The following CPZ variants were observed in gnomAD, a reference collection of about 807,000 sequenced individuals.
The protein encoded by CPZ is VEZT/CPZ fusion.
CPZ carries 103 observed loss-of-function variants against 61.8 expected under a neutral mutation model. That is an observed-to-expected ratio of 1.67 (90% confidence interval 1.42 to 1.96). The LOEUF (loss-of-function observed/expected upper bound fraction) is 1.96, where lower values mean the gene tolerates loss of function less well. Among genes scored for constraint, CPZ ranks in the 30% most tolerant of loss-of-function variants. The pLI, the probability that CPZ is intolerant of heterozygous loss-of-function variation, is 0.00. For missense variants in CPZ, 1,461 were observed against 914.9 expected (o/e 1.60, Z -7.70); for synonymous variants, 551 against 373.7 (o/e 1.47, Z -5.47).
At chr4:8,615,499 T>A (rs1215291616) in intron 9 of CPZ, among the ~76,000 whole-genome samples, 1 of 152,208 alleles carries the variant, frequency 6.6e-6, no homozygotes, top group South Asian at 2.1e-4. Flanking sequence ...GAAAGAGGGT[T>A]GAGCTGCAGC....
intron 4 of CPZ, among the ~76,000 whole-genome samples, chr4:8,605,364 A>G (rs1714874731): frequency 8.7e-6 from 1 of 115,110 alleles, no homozygotes; most frequent in African/African-American, 4.3e-5. Flanking sequence ...TCATTCAGCC[A>G]TTACACATCC....
rs756402952 is a variant in CPZ, at chr4:8,606,038, G to A, written c.759G>A (p.Ala253=). 27 of 1,613,968 alleles carry A rather than the reference G, an allele frequency of 1.7e-5. 1 individual carries two copies. Among genetic ancestry groups the A allele is most frequent in the Middle Eastern group, 1.6e-4 (1 of 6,084 alleles). The change falls in exon 5 of 11, where the codon GCG becomes GCA. Residue 253 remains alanine, a synonymous_variant. Transcript: ENST00000360986. The part of the protein sequence containing the change: ...LIGNIHGNEV[A]GREMLIYLAQ... ...GCAACATTCATGGCAACGAGGTGGC[G>A]GGCCGGGAGATGCTCATCTACCTAG...
intron 7 of CPZ, among the ~76,000 whole-genome samples, chr4:8,609,986 C>G (rs1467950501): frequency 6.6e-6 from 1 of 152,216 alleles, no homozygotes; most frequent in African/African-American, 2.4e-5. Flanking sequence ...GCAGGCTGGC[C>G]ATGGCTGCCT....
rs1169233009 is a variant in CPZ, at chr4:8,592,822, C to T, written c.-12C>T. On this transcript the variant is annotated 5_prime_UTR_variant, in exon 1 of 11. Coordinates refer to ENST00000360986, the MANE Select transcript of CPZ (RefSeq NM_001014447.3). ...ATCACTGCGCTGGCCGTCCAAGGTC[C>T]GCCGCCCCACCATGCCGCCCCCGCT... 13 of 1,452,110 alleles carry T rather than the reference C, an allele frequency of 9.0e-6. No individual in the cohort carries two copies. The Admixed American group carries it at 1.5e-4, about 17-fold the overall frequency. The allele number at this position is 1,452,110 out of a possible 1,614,324, so 90.0% of individuals were successfully genotyped here. A position where few individuals can be genotyped will look rare whatever the true frequency, so the allele number is the denominator to read the frequency against.
chr4:8,607,654 C>A (rs1715152473), intron 7 of CPZ, among the ~76,000 whole-genome samples: 1 of 152,222 alleles, frequency 6.6e-6, no homozygotes, highest in Non-Finnish European at 1.5e-5. Flanking sequence ...AGGCTGGCTG[C>A]ACTGTCTTTC....
rs148286815 is a variant in CPZ at position 8,619,328 on chromosome 4, G to C, written c.1670G>C (p.Gly557Ala). 7.4e-6 allele frequency: 12 copies of C among 1,613,990 alleles called. No homozygotes were observed. In the East Asian group the frequency reaches 2.7e-4, roughly 36 times the overall value. The change falls in exon 11 of 11, where the codon GGC (glycine) becomes GCC (alanine). Residue 557 changes from glycine (G) to alanine (A), a missense_variant. Physicochemically the swap from Gly to Ala is moderately conservative, Grantham distance 60. Coordinates refer to ENST00000360986, the MANE Select transcript of CPZ (RefSeq NM_001014447.3). ...CACATTGTCATTGCCCAAGCCCCTG[G>C]CTACGCCAAAGTCATCAAGAAAGTC... ...GIHIVIAQAPGYAKVIKKVII... is the reference protein window; with the variant it reads ...GIHIVIAQAPAYAKVIKKVII...
At chr4:8,618,382 G>T (rs79710873) in intron 9 of CPZ, 47 bp from the exon 10 acceptor site, 3 of 1,579,938 alleles carry the variant, frequency 1.9e-6, no homozygotes, top group Non-Finnish European at 1.7e-6. Flanking sequence ...TCCACGCTCA[G>T]CAGGAGAGCT....
intron 9 of CPZ, among the ~76,000 whole-genome samples, chr4:8,615,782 C>T (rs1357851204): frequency 4.6e-5 from 7 of 152,212 alleles, no homozygotes; most frequent in African/African-American, 1.7e-4. Context: ...TGTCCATGAG[C>T]CCCCTCCTTT....
intron 1 of CPZ, among the ~76,000 whole-genome samples, chr4:8,593,448 G>GA (rs1334072400): frequency 5.9e-5 from 9 of 152,324 alleles, no homozygotes; most frequent in South Asian, 2.1e-4. Flanking sequence ...CCCGGAGAGG[G>GA]AATGGACGCA....
In CPZ at chr4:8,606,870, C is replaced by T. The variant is rs748106609; in HGVS notation, c.1040C>T (p.Pro347Leu). 72 of 1,612,748 alleles carry T rather than the reference C, an allele frequency of 4.5e-5. 1 individual carries two copies. Among genetic ancestry groups the T allele is most frequent in the Non-Finnish European group, 6.1e-5 (72 of 1,179,688 alleles). Residue 347 changes from proline to leucine, a missense_variant, in exon 6 of 11, where the codon CCC (proline) becomes CTC (leucine). Coordinates refer to ENST00000360986, the MANE Select transcript of CPZ (RefSeq NM_001014447.3). ...ETRGARSDHI[P>L]IPQHYWWGKV... is the part of the protein sequence containing the mutation. Reference sequence around the variant, plus strand: ...CGCGGCGCACGCAGCGACCACATCCCCATCCCCCAGCACTACTGGTGGGGT... The same window carrying T: ...CGCGGCGCACGCAGCGACCACATCCTCATCCCCCAGCACTACTGGTGGGGT...
intron 9 of CPZ, among the ~76,000 whole-genome samples, chr4:8,617,511 G>A (rs1302988126): frequency 6.6e-6 from 1 of 152,206 alleles, no homozygotes; most frequent in Non-Finnish European, 1.5e-5. Context: ...ACATAAAGAT[G>A]AATATATAGG....
chr4:8,616,681 A>C (rs574810313), intron 9 of CPZ, among the ~76,000 whole-genome samples: 66 of 152,132 alleles, frequency 4.3e-4, no homozygotes, highest in African/African-American at 1.5e-3. Context: ...GGTGAGGAGG[A>C]GCCACAGGGT....
chr4:8,616,046 G>A (rs971247687), intron 9 of CPZ, among the ~76,000 whole-genome samples: 11 of 152,140 alleles, frequency 7.2e-5, no homozygotes, highest in Non-Finnish European at 2.9e-5. Context: ...AAGGAGCCTC[G>A]GATGTGGCTG....
intron 7 of CPZ, among the ~76,000 whole-genome samples, chr4:8,609,035 ACCCATTCACTCCCTCCCTCCCTCACTCC>A (rs1715299422): frequency 6.7e-6 from 1 of 149,040 alleles, no homozygotes; most frequent in Non-Finnish European, 1.5e-5. Flanking sequence ...TCCTTCACTC[ACCCATTCACTCCCTCCCTCCCTCACTCC>A]CTCACTCACC....
Position 8,619,646 on chromosome 4 carries a change from G to C in CPZ, c.*29G>C. 1.4e-6 allele frequency: 2 copies of C among 1,463,942 alleles called. No individual in the cohort carries two copies. Among genetic ancestry groups the C allele is most frequent in the Non-Finnish European group, 1.8e-6 (2 of 1,107,224 alleles). 90.7% of individuals were successfully genotyped at this position (1,463,942 alleles called of 1,614,324 possible). On this transcript the variant is annotated 3_prime_UTR_variant, in exon 11 of 11. Coordinates refer to ENST00000360986, the MANE Select transcript of CPZ (RefSeq NM_001014447.3). ...CGGCCCCAGCACCCGCCAGGATGTG[G>C]AGACCGAGGCCCATCTCCGCATCCC...
Position 8,612,067 on chromosome 4 carries a change from C to T in CPZ, c.1268C>T (p.Pro423Leu), listed in dbSNP as rs747914067. The change falls in exon 8 of 11, where the codon CCC becomes CTC. Residue 423 changes from proline (P) to leucine (L), a missense_variant. Pro to Leu is a moderately conservative substitution (Grantham distance 98, BLOSUM62 -3). Coordinates refer to ENST00000360986, the MANE Select transcript of CPZ (RefSeq NM_001014447.3). ...TCCAGAGCCTACGCTGACGTCCACC[C>T]CATGATGATGGACAGGTCGGAGAAT... ...LLSRAYADVH[P>L]MMMDRSENRC... The T allele has an allele frequency of 6.2e-7, 1 of 1,613,898 alleles. No individual in the cohort carries two copies.
In CPZ at chr4:8,601,236, T is replaced by C. The variant is rs1454081622; in HGVS notation, c.235T>C (p.Tyr79His). Residue 79 changes from tyrosine to histidine, a missense_variant, in exon 3 of 11, where the codon TAC (tyrosine) becomes CAC (histidine). By Grantham distance (83) the Tyr-to-His change is moderately conservative. Coordinates refer to ENST00000360986, the MANE Select transcript of CPZ (RefSeq NM_001014447.3). ...GGAGGTGGTGGAGGCCAGCTCCGAG[T>C]ACATCCTGCTGAGCGTTCTACACCA... The part of the protein sequence containing the change: ...SWEVVEASSE[Y>H]ILLSVLHQLL... 15 of 1,613,342 alleles carry C rather than the reference T, an allele frequency of 9.3e-6. No individual in the cohort carries two copies. The highest frequency in any genetic ancestry group is 1.3e-5 in the Non-Finnish European group (15 of 1,179,930).
chr4:8,608,328 G>C (rs529322937), intron 7 of CPZ, among the ~76,000 whole-genome samples: 1 of 152,168 alleles, frequency 6.6e-6, no homozygotes, highest in African/African-American at 2.4e-5. Context: ...TTCCCTTGGT[G>C]TTTGGGGGAA....
chr4:8,603,625 C>A, intron 3 of CPZ: 1 of 298,860 alleles, frequency 3.3e-6, no homozygotes, highest in Non-Finnish European at 6.2e-6. Flanking sequence ...AGGAAAATCC[C>A]CTCTGCACAC....
Sources: gnomAD v4.1 joint callset for allele counts (sites outside exome capture counted in the v4.1 genomes callset) on GRCh38, gnomAD v4.1.1 for gene constraint, MANE v1.5 for transcripts, NCBI Gene and HGNC (gene_info 2026-07-23, HGNC 2026-07-21) for gene names.